The following PIGN variants were observed in gnomAD, a reference collection of about 807,000 sequenced individuals.
The protein encoded by PIGN is GPI ethanolamine phosphate transferase 1.
PIGN carries 117 observed loss-of-function variants against 125.4 expected under a neutral mutation model. That is an observed-to-expected ratio of 0.93 (90% CI 0.80 to 1.09). The LOEUF is 1.09. PIGN is among the 50% of genes least tolerant of loss of function. The pLI is 0.00. For synonymous variants in PIGN, 392 were observed against 377.8 expected (o/e 1.04, Z -0.44); for missense variants, 1,075 against 1,094.9 (o/e 0.98, Z 0.26).
At chr18:62,155,711 T>C (rs963960381) in intron 6 of PIGN, among the ~76,000 whole-genome samples, 1 of 151,888 alleles carries the variant, frequency 6.6e-6, no homozygotes, top group Non-Finnish European at 1.5e-5. Context: ...GGGTTTGCTG[T>C]TTACTACAAG....
chr18:62,086,542 G>A lies in PIGN; in HGVS notation c.2371-1278C>T, dbSNP rs546853660. Among the ~76,000 whole-genome samples, 22 of 152,152 alleles carry A rather than the reference G, an allele frequency of 1.4e-4. 1 individual carries two copies. The highest frequency in any genetic ancestry group is 9.2e-4 in the Admixed American group (14 of 15,290). On this transcript the variant is annotated intron_variant, in intron 25 of 30. Coordinates refer to ENST00000640252, the MANE Select transcript of PIGN (RefSeq NM_176787.5). ...TGAGGCAGGAGAATCACTTGAACCC[G>A]GCAAGTGGAGGTTGCAGTGAGCCAA... is the stretch of plus-strand genomic sequence containing the variant.
chr18:62,158,083 G>A, intron 4 of PIGN: 1 of 289,158 alleles, frequency 3.5e-6, no homozygotes. Flanking sequence ...GTTGTTTTAA[G>A]CCACAAAACA....
chr18:62,127,216 C>T (rs927372591), intron 14 of PIGN, among the ~76,000 whole-genome samples: 7 of 152,066 alleles, frequency 4.6e-5, no homozygotes, highest in African/African-American at 1.2e-4. Context: ...CCCAATAAAC[C>T]CACCATAAGT....
chr18:62,120,979 T>C (rs1008589353), intron 14 of PIGN, among the ~76,000 whole-genome samples: 1 of 152,018 alleles, frequency 6.6e-6, no homozygotes, highest in Non-Finnish European at 1.5e-5. Context: ...TATAAGAACA[T>C]CAAAATGTTA....
intron 16 of PIGN, among the ~76,000 whole-genome samples, chr18:62,110,758 A>C (rs1367849110): frequency 6.6e-6 from 1 of 151,800 alleles, no homozygotes. Context: ...ACATAAGCCA[A>C]TTTCTTATAC....
At chr18:62,046,751 C>A (rs1349886383) in intron 30 of PIGN, among the ~76,000 whole-genome samples, 1 of 152,108 alleles carries the variant, frequency 6.6e-6, no homozygotes, top group Non-Finnish European at 1.5e-5. Flanking sequence ...AATAGAAAGT[C>A]TGTACATGTT....
At chr18:62,148,697 T>C (rs527610546) in intron 7 of PIGN, among the ~76,000 whole-genome samples, 1 of 152,232 alleles carries the variant, frequency 6.6e-6, no homozygotes, top group East Asian at 1.9e-4. Context: ...CTGTTACCAG[T>C]TTAAGAATAA....
Position 62,145,919 on chromosome 18 carries a change from T to C in PIGN, c.912A>G (p.Ala304=). 4 of 1,534,750 alleles carry C rather than the reference T, an allele frequency of 2.6e-6. No homozygotes were observed. The highest frequency in any genetic ancestry group is 2.3e-5 in the East Asian group (1 of 44,388). The part of the protein sequence containing the change: ...QRVSAQQFDD[A]FLKEWRLENW... ...AAGAAATGCTTGTACCTTTCAAAAA[T>C]GCATCATCAAATTGCTGAGCTGATA... The change falls in exon 10 of 31, where the codon GCA becomes GCG. Residue 304 remains alanine, a synonymous_variant. Transcript: ENST00000640252.
intron 28 of PIGN, chr18:62,075,385 T>C (rs1167887793): frequency 6.6e-6 from 1 of 152,262 alleles, no homozygotes. Context: ...TTAAGAGTGT[T>C]TTATGAGTAG....
intron 1 of PIGN, among the ~76,000 whole-genome samples, chr18:62,181,994 G>A (rs2037735085): frequency 6.6e-6 from 1 of 152,156 alleles, no homozygotes; most frequent in Non-Finnish European, 1.5e-5. Flanking sequence ...CCAAAGTGGT[G>A]GGATTACAGG....
intron 11 of PIGN, among the ~76,000 whole-genome samples, 195 bp from the exon 12 acceptor site, chr18:62,140,674 T>A (rs1199738666): frequency 5.3e-5 from 8 of 152,030 alleles, no homozygotes; most frequent in African/African-American, 1.9e-4. Context: ...ATAAAAAAAA[T>A]TTTGAAAAGA....
At chr18:62,094,409 T>C (rs2034092301) in intron 23 of PIGN, among the ~76,000 whole-genome samples, 1 of 152,180 alleles carries the variant, frequency 6.6e-6, no homozygotes, top group Non-Finnish European at 1.5e-5. Context: ...AAACATTTAT[T>C]TCCTTAAGTC....
intron 23 of PIGN, among the ~76,000 whole-genome samples, chr18:62,020,476 G>C (rs1282632126): frequency 1.3e-5 from 2 of 150,742 alleles, no homozygotes; most frequent in African/African-American, 4.9e-5. Flanking sequence ...TGACAGAGAT[G>C]ATGGGATTAG....
At chr18:62,086,622 T>G (rs200935968) in intron 25 of PIGN, among the ~76,000 whole-genome samples, 22 of 149,740 alleles carry the variant, frequency 1.5e-4, no homozygotes, top group South Asian at 1.3e-3. Flanking sequence ...TTTTTTGTTT[T>G]TTTTTTTTTT....
rs33941382 is a variant in PIGN, at chr18:62,147,258, A to AT, written c.675-158dup. 0.57 allele frequency among the ~76,000 whole-genome samples: 87,237 copies of AT among 151,932 alleles called. 25,777 individuals carry two copies. Among genetic ancestry groups the AT allele is most frequent in the East Asian group, 0.72 (3,701 of 5,176 alleles). On this transcript the variant is annotated intron_variant, in intron 8 of 30. Coordinates refer to ENST00000640252, the MANE Select transcript of PIGN (RefSeq NM_176787.5). ...CAGAGTACTCTAGATTGTTAAAATA[A>AT]TTTTTTCTCCTTTTAATGAAGCTAA...
rs1312542056 is a variant in PIGN, at chr18:62,045,655, T to C, written c.*201A>G. ...TATGCTTTTCCACAGATATAATCAC[T>C]ATTTCATGCCTGCAAAACCTAGAAA... On this transcript the variant is annotated 3_prime_UTR_variant, in exon 31 of 31. Coordinates refer to ENST00000640252, the MANE Select transcript of PIGN (RefSeq NM_176787.5). The C allele has an allele frequency of 2.1e-6, 1 of 468,100 alleles. No individual in the cohort carries two copies. Among genetic ancestry groups the C allele is most frequent in the Non-Finnish European group, 3.8e-6 (1 of 266,638 alleles). The allele number at this position is 468,100 out of a possible 1,614,324, so 29.0% of individuals were successfully genotyped here.
downstream of PIGN, among the ~76,000 whole-genome samples, chr18:62,037,635 C>T (rs7243674): frequency 0.58 from 88,648 of 152,130 alleles, 26,607 homozygotes; most frequent in East Asian, 0.78. Flanking sequence ...TCGTTCTCCT[C>T]GGGCTTCTAA....
In PIGN at chr18:62,109,958, G is replaced by C; in HGVS notation, c.1450C>G (p.Leu484Val). The change falls in exon 17 of 31, where the codon CTG becomes GTG. Residue 484 changes from leucine (L) to valine (V), a missense_variant. Leu to Val is a conservative substitution (Grantham distance 32). Around this residue, in one of 3 missense-constraint regions of PIGN, gnomAD observed 915 missense variants for 908.7 expected, o/e 1.01. Coordinates refer to ENST00000640252, the MANE Select transcript of PIGN (RefSeq NM_176787.5). The part of the protein sequence containing the change: ...SKEVKKPSHL[L>V]PCSFVAIGIL... Reference sequence around the variant, plus strand: ...CCAATAGCTACAAAACTACAAGGCAGGAGATGGCTTGGTTTCTGAAAAATC... The same window carrying C: ...CCAATAGCTACAAAACTACAAGGCACGAGATGGCTTGGTTTCTGAAAAATC... 3 of 1,613,358 alleles carry C rather than the reference G, an allele frequency of 1.9e-6. No individual in the cohort carries two copies. Among genetic ancestry groups the C allele is most frequent in the Non-Finnish European group, 2.5e-6 (3 of 1,179,536 alleles).
chr18:62,128,084 T>C (rs2035603362), intron 14 of PIGN, among the ~76,000 whole-genome samples: 1 of 152,196 alleles, frequency 6.6e-6, no homozygotes. Flanking sequence ...ACTTTTATAA[T>C]GTCAAAAACA....
Sources: gnomAD v4.1 joint callset for allele counts (sites outside exome capture counted in the v4.1 genomes callset) on GRCh38, gnomAD v4.1.1 for gene constraint, gnomAD v4.1.1 regional missense constraint, MANE v1.5 for transcripts, NCBI Gene and HGNC (gene_info 2026-07-23, HGNC 2026-07-21) for gene names.